The following ATRNL1 variants were observed in gnomAD, a reference collection of about 807,000 sequenced individuals.
ATRNL1 encodes attractin-like protein 1.
Under a neutral mutation model 182.7 loss-of-function variants are expected in ATRNL1, and 95 were observed. The ratio of observed to expected loss-of-function variants is 0.52; its 90% CI spans 0.44 to 0.62. The LOEUF (loss-of-function observed/expected upper bound fraction) is 0.62, where lower values mean the gene tolerates loss of function less well. Among genes scored for constraint, ATRNL1 ranks in the 20% least tolerant of loss-of-function variants. The pLI is 0.00. For synonymous variants in ATRNL1, 576 were observed against 568.3 expected, an observed-to-expected ratio of 1.01 and a Z score of -0.19; for missense variants, 1,471 against 1,679.5, an observed-to-expected ratio of 0.88 and a Z score of 2.17.
intron 27 of ATRNL1, among the ~76,000 whole-genome samples, chr10:115,768,932 A>C (rs902424849): frequency 6.6e-6 from 1 of 152,100 alleles, no homozygotes; most frequent in East Asian, 1.9e-4. Flanking sequence ...AGTCACTTTT[A>C]AATCTTTTTC....
At chr10:115,844,341 A>T (rs1431193100) in intron 27 of ATRNL1, among the ~76,000 whole-genome samples, 1 of 152,086 alleles carries the variant, frequency 6.6e-6, no homozygotes, top group Non-Finnish European at 1.5e-5. Flanking sequence ...GTGGAAGAAC[A>T]AGTAGCCAGC....
At chr10:115,527,634 G>C (rs552732470) in intron 25 of ATRNL1, among the ~76,000 whole-genome samples, 1 of 151,984 alleles carries the variant, frequency 6.6e-6, no homozygotes, top group African/African-American at 2.4e-5. Flanking sequence ...GACCTAGTTG[G>C]TAATTGGCTT....
rs1031404623 is a variant in ATRNL1, at chr10:115,164,183, A to C, written c.1005-1375A>C. 2.9e-4 allele frequency among the ~76,000 whole-genome samples: 44 copies of C among 152,194 alleles called. 1 individual carries two copies. Among genetic ancestry groups the C allele is most frequent in the African/African-American group, 1.0e-3 (43 of 41,426 alleles). ...TTTATAATTTGGGACTTCAGTTTTC[A>C]TATGTATTACACCAGTAGAAAAAAA... On this transcript the variant is annotated intron_variant, in intron 6 of 28. Transcript: ENST00000355044.
chr10:115,579,647 T>C (rs1381408539), intron 26 of ATRNL1, among the ~76,000 whole-genome samples: 1 of 151,936 alleles, frequency 6.6e-6, no homozygotes, highest in East Asian at 1.9e-4. Context: ...ATGAATATAG[T>C]TGAATCTTGG....
intron 14 of ATRNL1, among the ~76,000 whole-genome samples, chr10:115,283,432 A>G (rs1295577444): frequency 2.0e-5 from 3 of 152,064 alleles, no homozygotes; most frequent in African/African-American, 7.2e-5. Context: ...ACGAACAAAC[A>G]AACACACCAT....
intron 9 of ATRNL1, among the ~76,000 whole-genome samples, chr10:115,232,019 A>C (rs782240736): frequency 6.6e-6 from 1 of 152,158 alleles, no homozygotes; most frequent in Admixed American, 6.5e-5. Context: ...TTTCTGCCTT[A>C]CTGTGGATGC....
intron 28 of ATRNL1, among the ~76,000 whole-genome samples, chr10:115,941,317 G>C (rs782800562): frequency 6.6e-6 from 1 of 152,202 alleles, no homozygotes; most frequent in Admixed American, 6.5e-5. Flanking sequence ...CCAAGTTTCA[G>C]AATCATTAGT....
At chr10:115,131,858 T>C (rs1845252732) in intron 5 of ATRNL1, among the ~76,000 whole-genome samples, 1 of 152,238 alleles carries the variant, frequency 6.6e-6, no homozygotes, top group East Asian at 1.9e-4. Flanking sequence ...TGTTACCCTC[T>C]AGAAACTTGG....
chr10:115,622,904 G>A (rs1354502344), intron 26 of ATRNL1, among the ~76,000 whole-genome samples: 1 of 152,034 alleles, frequency 6.6e-6, no homozygotes, highest in African/African-American at 2.4e-5. Context: ...TCCAGCCTAG[G>A]TGACAGAGCG....
At chr10:115,520,642 A>G (rs1554984947) in intron 25 of ATRNL1, among the ~76,000 whole-genome samples, 1 of 152,204 alleles carries the variant, frequency 6.6e-6, no homozygotes, top group African/African-American at 2.4e-5. Context: ...CTATCATCAG[A>G]TAACAAATTG....
At chr10:115,420,241 A>G (rs1336538724) in intron 20 of ATRNL1, among the ~76,000 whole-genome samples, 2 of 151,892 alleles carry the variant, frequency 1.3e-5, no homozygotes, top group Non-Finnish European at 2.9e-5. Flanking sequence ...ACGGGGTTTC[A>G]CCATGTTAGC....
At chr10:115,627,700 T>G (rs1011921226) in intron 26 of ATRNL1, among the ~76,000 whole-genome samples, 4 of 152,102 alleles carry the variant, frequency 2.6e-5, no homozygotes, top group African/African-American at 9.7e-5. Context: ...ATTTGTCACT[T>G]CATCCCTTGA....
intron 9 of ATRNL1, among the ~76,000 whole-genome samples, chr10:115,234,140 T>C (rs557265779): frequency 6.6e-6 from 1 of 152,228 alleles, no homozygotes; most frequent in African/African-American, 2.4e-5. Flanking sequence ...TTTTAACTAC[T>C]GAATTCAATA....
chr10:115,719,859 C>CTTTTTT (rs1555057319), intron 26 of ATRNL1, among the ~76,000 whole-genome samples: 1 of 128,818 alleles, frequency 7.8e-6, no homozygotes, highest in Non-Finnish European at 1.7e-5. Flanking sequence ...CCCCCACACA[C>CTTTTTT]TCTTTTTTTT....
chr10:115,121,791 C>T lies in ATRNL1; in HGVS notation c.470C>T (p.Ala157Val). 6.5e-7 allele frequency: 1 copy of T among 1,527,962 alleles called. No individual in the cohort carries two copies. Among genetic ancestry groups the T allele is most frequent in the South Asian group, 1.2e-5 (1 of 82,190 alleles). The allele number at this position is 1,527,962 out of a possible 1,614,324, so 94.7% of individuals were successfully genotyped here. Residue 157 changes from alanine (A) to valine (V), a missense_variant, in exon 3 of 29, where the codon GCA becomes GTA. Coordinates refer to ENST00000355044, the MANE Select transcript of ATRNL1 (RefSeq NM_207303.4). Reference sequence around the variant, plus strand: ...GTTTATGATGGAGATTCAATATATGCACCTTTAATAGCTGTACTTAGGTGA... The same window carrying T: ...GTTTATGATGGAGATTCAATATATGTACCTTTAATAGCTGTACTTAGGTGA... ...MYVYDGDSIYAPLIAVLSGLI... is the reference protein window; with the variant it reads ...MYVYDGDSIYVPLIAVLSGLI...
At chr10:115,370,069 A>G (rs1292365537) in intron 19 of ATRNL1, among the ~76,000 whole-genome samples, 3 of 152,186 alleles carry the variant, frequency 2.0e-5, no homozygotes, top group African/African-American at 7.2e-5. Flanking sequence ...GGTTTTATAA[A>G]GGGGAGTTTC....
At chr10:115,943,613 C>CTTT (rs71010059) in intron 28 of ATRNL1, among the ~76,000 whole-genome samples, 1 of 146,724 alleles carries the variant, frequency 6.8e-6, no homozygotes. Flanking sequence ...TACAGTTTGG[C>CTTT]TTTTTTTTTT....
chr10:115,744,017 T>C (rs1159264725), intron 27 of ATRNL1, among the ~76,000 whole-genome samples: 15 of 151,948 alleles, frequency 9.9e-5, no homozygotes, highest in African/African-American at 3.6e-4. Flanking sequence ...TGAGTAAATA[T>C]TGAGTATTAA....
At chr10:115,166,286 T>C (rs2144049266) in intron 7 of ATRNL1, among the ~76,000 whole-genome samples, 1 of 152,176 alleles carries the variant, frequency 6.6e-6, no homozygotes, top group Middle Eastern at 3.4e-3. Context: ...TATACCACAT[T>C]TTGTTTATCC....
Sources: allele counts gnomAD v4.1 joint callset (sites outside exome capture counted in the v4.1 genomes callset), GRCh38; gene constraint gnomAD v4.1.1; transcripts MANE v1.5; gene names NCBI Gene and HGNC (gene_info 2026-07-23, HGNC 2026-07-21).